The following RASSF3 variants were observed in gnomAD, a reference collection of about 807,000 sequenced individuals.
RASSF3 encodes Ras association domain family member 3.
Under a neutral mutation model 19.9 loss-of-function variants are expected in RASSF3, and 19 were observed. That is an observed-to-expected ratio of 0.96 (90% CI 0.67 to 1.40). The LOEUF is 1.40. RASSF3 is among the 40% of genes most tolerant of loss of function. The pLI is 0.00. For synonymous variants in RASSF3, 110 were observed against 104.2 expected (o/e 1.06, Z -0.34); for missense variants, 306 against 289.8 (o/e 1.06, Z -0.41).
chr12:64,627,552 C>T (rs1310891146), intron 1 of RASSF3, among the ~76,000 whole-genome samples: 2 of 152,170 alleles, frequency 1.3e-5, no homozygotes, highest in African/African-American at 4.8e-5. Context: ...TGGTGCCTGG[C>T]ACAGAGGACA....
At chr12:64,628,287 A>G (rs1338643772) in intron 1 of RASSF3, 1 of 152,168 alleles carries the variant, frequency 6.6e-6, no homozygotes. Context: ...AGTTATAAAT[A>G]TAATATCAAG....
At chr12:64,611,323 T>C in intron 1 of RASSF3, 1 of 152,414 alleles carries the variant, frequency 6.6e-6, no homozygotes. Flanking sequence ...GGGTTGTGCG[T>C]TTTCTGTAAA....
intron 2 of RASSF3, among the ~76,000 whole-genome samples, chr12:64,591,209 G>A (rs1173003857): frequency 3.3e-5 from 5 of 152,094 alleles, no homozygotes; most frequent in Non-Finnish European, 7.3e-5. Context: ...GGGCGCAGTG[G>A]CTCACACCTG....
intron 2 of RASSF3, among the ~76,000 whole-genome samples, chr12:64,580,860 C>T (rs1373430151): frequency 6.6e-6 from 1 of 152,092 alleles, no homozygotes. Flanking sequence ...AGATTAGAGT[C>T]CATCCTACTG....
chr12:64,695,112 G>C lies in RASSF3; in HGVS notation c.*200G>C. ...ATGTAAGGGACTCTGCAAGCTTGTT[G>C]TTCAGCACCGCAGTGTTACCTCTTG... On this transcript the variant is annotated 3_prime_UTR_variant, in exon 5 of 5. Coordinates refer to ENST00000542104, the MANE Select transcript of RASSF3 (RefSeq NM_178169.4). The C allele has an allele frequency of 1.8e-6, 1 of 548,326 alleles. No homozygotes were observed. The highest frequency in any genetic ancestry group is 3.2e-6 in the Non-Finnish European group (1 of 311,504). 34.0% of individuals were successfully genotyped at this position (548,326 alleles called of 1,614,324 possible). A position where few individuals can be genotyped will look rare whatever the true frequency, so the allele number is the denominator to read the frequency against.
Position 64,567,773 on chromosome 12 carries a change from G to A in RASSF3, c.294+26068G>A, listed in dbSNP as rs73317542. 2.2e-3 allele frequency among the ~76,000 whole-genome samples: 331 copies of A among 152,332 alleles called. 2 individuals carry two copies. The highest frequency in any genetic ancestry group is 7.4e-3 in the African/African-American group (308 of 41,574). On this transcript the variant is annotated intron_variant, in intron 2 of 5. Coordinates refer to the RASSF3 transcript ENST00000637125. ...TGGAGCTACTGGCCTGGGAGATGTG[G>A]CTCCACACACCAGAGCTGCCTCTGC...
chr12:64,577,151 C>G (rs1869608441), intron 2 of RASSF3, among the ~76,000 whole-genome samples: 1 of 152,108 alleles, frequency 6.6e-6, no homozygotes, highest in South Asian at 2.1e-4. Flanking sequence ...AAATGTATTA[C>G]AGGTTGTTAA....
At chr12:64,612,702 C>T (rs544195354) in intron 1 of RASSF3, among the ~76,000 whole-genome samples, 4 of 152,190 alleles carry the variant, frequency 2.6e-5, no homozygotes, top group Non-Finnish European at 4.4e-5. Context: ...TCTCGAACTC[C>T]TGGCCTCAGG....
rs545174012 is a variant in RASSF3, at chr12:64,508,036, T to C, written c.169+707T>C. ...ACTACTCACACTACTGTAAGCCAATTCTCTCACTTCATAATGTTTCATCTT... is the reference window on the plus strand; with the variant it reads ...ACTACTCACACTACTGTAAGCCAATCCTCTCACTTCATAATGTTTCATCTT... On this transcript the variant is annotated intron_variant, in intron 1 of 5. Coordinates refer to the RASSF3 transcript ENST00000637125. 1.7e-4 allele frequency among the ~76,000 whole-genome samples: 26 copies of C among 152,262 alleles called. No individual in the cohort carries two copies. The South Asian group carries it at 5.4e-3, about 32-fold the overall frequency.
intron 1 of RASSF3, among the ~76,000 whole-genome samples, chr12:64,614,575 C>T (rs77945625): frequency 0.013 from 1,922 of 152,268 alleles, 36 homozygotes; most frequent in African/African-American, 0.044. Flanking sequence ...CTCAGGTTTT[C>T]AGACTCAAAT....
chr12:64,592,797 T>G (rs1314237476), intron 2 of RASSF3, among the ~76,000 whole-genome samples: 2 of 152,176 alleles, frequency 1.3e-5, no homozygotes, highest in East Asian at 3.9e-4. Context: ...CCAAGATGCC[T>G]GGCTAATTTT....
At position 64,688,248 on chromosome 12, in the gene RASSF3, A is replaced by C. The variant is rs771133670; in HGVS notation, c.252A>C (p.Lys84Asn). Residue 84 changes from lysine to asparagine, a missense_variant, in exon 3 of 5, where the codon AAA (lysine) becomes AAC (asparagine). Physicochemically the swap from Lys to Asn is moderately conservative, Grantham distance 94. Coordinates refer to ENST00000542104, the MANE Select transcript of RASSF3 (RefSeq NM_178169.4). Reference sequence around the variant, plus strand: ...ATGGGATTTACACTGGCTTCATTAAAGTACAGATGGAACTCTGCAAACCTC... The same window carrying C: ...ATGGGATTTACACTGGCTTCATTAACGTACAGATGGAACTCTGCAAACCTC... ...NSNGIYTGFIKVQMELCKPPQ... is the reference protein window; with the variant it reads ...NSNGIYTGFINVQMELCKPPQ... 6.2e-7 allele frequency: 1 copy of C among 1,614,168 alleles called. No individual in the cohort carries two copies. Among genetic ancestry groups the C allele is most frequent in the Non-Finnish European group, 8.5e-7 (1 of 1,179,978 alleles).
intron 1 of RASSF3, among the ~76,000 whole-genome samples, chr12:64,647,184 G>T (rs540049084): frequency 6.6e-6 from 1 of 152,198 alleles, no homozygotes; most frequent in South Asian, 2.1e-4. Flanking sequence ...TGGCACCCCA[G>T]TTCTGGTAAA....
rs17100510 is a variant in RASSF3 at position 64,649,808 on chromosome 12, G to A, written c.112-34979G>A. Among the ~76,000 whole-genome samples, 659 of 152,290 alleles carry A rather than the reference G, an allele frequency of 4.3e-3. 6 individuals carry two copies. Among genetic ancestry groups the A allele is most frequent in the African/African-American group, 0.015 (638 of 41,558 alleles). On this transcript the variant is annotated intron_variant, in intron 1 of 4. Coordinates refer to ENST00000542104, the MANE Select transcript of RASSF3 (RefSeq NM_178169.4). ...AGCTCTTTGGTGAAATAAACTAAAC[G>A]GTCTCCCTGAATAGCTTTCACAGTG...
chr12:64,688,154 T>C (rs970038477), intron 2 of RASSF3, 62 bp from the exon 3 acceptor site: 3 of 1,158,912 alleles, frequency 2.6e-6, no homozygotes, highest in Non-Finnish European at 3.9e-6. Flanking sequence ...TGTTTTGATA[T>C]GCTTCTTCCC....
intron 2 of RASSF3, among the ~76,000 whole-genome samples, chr12:64,581,496 G>A (rs114865896): frequency 0.017 from 2,627 of 152,216 alleles, 82 homozygotes; most frequent in African/African-American, 0.061. Flanking sequence ...GCTCACTTGA[G>A]CCAGGAGTTT....
intron 2 of RASSF3, among the ~76,000 whole-genome samples, chr12:64,595,611 G>A (rs1869988279): frequency 6.6e-6 from 1 of 152,014 alleles, no homozygotes; most frequent in Admixed American, 6.6e-5. Flanking sequence ...AATCTAATTT[G>A]TAGGCCTCCA....
intron 2 of RASSF3, among the ~76,000 whole-genome samples, chr12:64,571,426 AC>A (rs1869517751): frequency 1.3e-5 from 2 of 152,002 alleles, no homozygotes; most frequent in Non-Finnish European, 2.9e-5. Context: ...TCAAACCCAC[AC>A]CAGTGAGCAC....
chr12:64,577,100 G>A (rs1307531398), intron 2 of RASSF3, among the ~76,000 whole-genome samples: 1 of 152,062 alleles, frequency 6.6e-6, no homozygotes, highest in African/African-American at 2.4e-5. Flanking sequence ...AAGAAAGAAG[G>A]GAATGACTTT....
Sources: gnomAD v4.1 joint callset for allele counts (sites outside exome capture counted in the v4.1 genomes callset) on GRCh38, gnomAD v4.1.1 for gene constraint, MANE v1.5 for transcripts, NCBI Gene and HGNC (gene_info 2026-07-23, HGNC 2026-07-21) for gene names.